BANP: variants seen among roughly 807,000 people sequenced by gnomAD.
BANP encodes BTG3 associated nuclear protein.
BANP carries 11 observed loss-of-function variants against 68.1 expected under a neutral mutation model. That is an observed-to-expected ratio of 0.16 (90% confidence interval 0.10 to 0.27). The LOEUF is 0.27. Among genes scored for constraint, BANP ranks in the 10% least tolerant of loss-of-function variants. The probability of loss-of-function intolerance (pLI) is 1.00; values close to 1 mark genes in which losing one functional copy is unlikely to be tolerated. For synonymous variants in BANP, 329 were observed against 303.2 expected (o/e 1.09, Z -0.88); for missense variants, 504 against 722.7 (o/e 0.70, Z 3.47).
At chr16:87,951,207 G>T (rs974797490), upstream of BANP, among the ~76,000 whole-genome samples, 1 of 152,216 alleles carries the variant, frequency 6.6e-6, no homozygotes, top group Non-Finnish European at 1.5e-5. Flanking sequence ...TTGTTCTCAC[G>T]CAGGCCATGG....
intron 1 of BANP, among the ~76,000 whole-genome samples, chr16:87,958,601 T>G (rs1037839210): frequency 2.0e-5 from 3 of 151,932 alleles, no homozygotes; most frequent in Non-Finnish European, 4.4e-5. Flanking sequence ...AAGCGGAAAC[T>G]GGAGGATCAC....
At chr16:88,062,493 C>G (rs2152879599) in intron 11 of BANP, among the ~76,000 whole-genome samples, 1 of 152,342 alleles carries the variant, frequency 6.6e-6, no homozygotes, top group South Asian at 2.1e-4. Flanking sequence ...GGCTCTGTTT[C>G]AAAAATGTTC....
At chr16:88,016,729 T>G (rs1423863601) in intron 6 of BANP, among the ~76,000 whole-genome samples, 1 of 152,214 alleles carries the variant, frequency 6.6e-6, no homozygotes. Flanking sequence ...TCCGTTTTGC[T>G]CCTCATATAC....
Position 88,072,055 on chromosome 16 carries a change from G to A in BANP, c.1378-14G>A, listed in dbSNP as rs748678999. On this transcript the variant is annotated splice_polypyrimidine_tract_variant and intron_variant, in intron 12 of 13. Coordinates refer to ENST00000682872, the MANE Select transcript of BANP (RefSeq NM_001386991.1). ...GGCCACGCCGCTGACGGGCCCCCGT[G>A]TGTCTCCCTCCAGGTGCTGCAGGGT... is the stretch of plus-strand genomic sequence containing the variant. 4 of 1,561,262 alleles carry A rather than the reference G, an allele frequency of 2.6e-6. No individual in the cohort carries two copies. Among genetic ancestry groups the A allele is most frequent in the Non-Finnish European group, 3.5e-6 (4 of 1,155,192 alleles).
chr16:88,067,041 G>GT (rs1324788782), intron 12 of BANP, among the ~76,000 whole-genome samples: 1 of 152,198 alleles, frequency 6.6e-6, no homozygotes, highest in East Asian at 1.9e-4. Flanking sequence ...TAGAAACCCA[G>GT]TTATAGGAAT....
intron 11 of BANP, among the ~76,000 whole-genome samples, chr16:88,049,452 C>T (rs960175636): frequency 6.6e-6 from 1 of 152,146 alleles, no homozygotes; most frequent in Non-Finnish European, 1.5e-5. Flanking sequence ...GCTCACTGAA[C>T]CTGCCCTCTT....
chr16:87,954,620 G>A (rs768770714), intron 1 of BANP, among the ~76,000 whole-genome samples: 1 of 152,236 alleles, frequency 6.6e-6, no homozygotes, highest in African/African-American at 2.4e-5. Context: ...TTTGCTGGCC[G>A]TGGGGGAGTT....
intron 2 of BANP, 23 bp from the exon 3 acceptor site, chr16:87,981,013 T>G (rs749186853): frequency 1.9e-6 from 3 of 1,560,852 alleles, no homozygotes; most frequent in African/African-American, 2.7e-5. Context: ...TTAAACATTT[T>G]TTTTCTCTGT....
At chr16:88,051,179 T>G (rs1054246486) in intron 11 of BANP, among the ~76,000 whole-genome samples, 5 of 152,160 alleles carry the variant, frequency 3.3e-5, no homozygotes, top group African/African-American at 1.2e-4. Flanking sequence ...GGCTCCAGGA[T>G]GGGGGCTCCC....
chr16:88,008,593 T>C (rs2072004548), intron 6 of BANP, among the ~76,000 whole-genome samples: 1 of 152,206 alleles, frequency 6.6e-6, no homozygotes, highest in Non-Finnish European at 1.5e-5. Flanking sequence ...CTAAATGAAC[T>C]TATGAGACGA....
chr16:88,033,014 G>A (rs900532344), intron 8 of BANP, 95 bp from the exon 9 acceptor site: 3 of 1,321,060 alleles, frequency 2.3e-6, no homozygotes, highest in African/African-American at 2.9e-5. Context: ...TCTGCTGTGG[G>A]AGTCGACAGT....
At chr16:88,016,701 G>A (rs754827250) in intron 6 of BANP, among the ~76,000 whole-genome samples, 2 of 152,226 alleles carry the variant, frequency 1.3e-5, no homozygotes, top group Non-Finnish European at 2.9e-5. Flanking sequence ...CCACCCATTA[G>A]CCTTGAGGTC....
intron 6 of BANP, among the ~76,000 whole-genome samples, chr16:88,010,323 A>T (rs1481050174): frequency 6.6e-6 from 1 of 152,214 alleles, no homozygotes; most frequent in Non-Finnish European, 1.5e-5. Context: ...CCTATACATA[A>T]AATGTTAGGT....
intron 1 of BANP, among the ~76,000 whole-genome samples, chr16:87,971,837 G>A (rs1177157602): frequency 6.6e-6 from 1 of 152,236 alleles, no homozygotes; most frequent in East Asian, 1.9e-4. Flanking sequence ...CTGTTGTCCA[G>A]GGTGGAGTGT....
At chr16:88,042,201 G>A (rs1171930947) in intron 11 of BANP, among the ~76,000 whole-genome samples, 1 of 152,246 alleles carries the variant, frequency 6.6e-6, no homozygotes, top group Non-Finnish European at 1.5e-5. Context: ...TAGCAGTAGC[G>A]GATGGTGCAT....
intron 1 of BANP, among the ~76,000 whole-genome samples, chr16:87,973,224 T>G (rs1313703088): frequency 6.6e-6 from 1 of 151,756 alleles, no homozygotes; most frequent in Admixed American, 6.6e-5. Context: ...CCTCTGAGGC[T>G]TTGTGTCTCC....
intron 11 of BANP, 100 bp from the exon 12 acceptor site, chr16:88,065,167 G>A (rs1449120272): frequency 8.3e-6 from 5 of 599,730 alleles, no homozygotes; most frequent in African/African-American, 3.7e-5. Flanking sequence ...GGCTTTACCG[G>A]AGGGCAGAAG....
chr16:88,020,812 G>A lies in BANP; in HGVS notation c.895+2145G>A, dbSNP rs112327554. Among the ~76,000 whole-genome samples, 649 of 152,320 alleles carry A rather than the reference G, an allele frequency of 4.3e-3. 5 individuals are homozygous for A. Among genetic ancestry groups the A allele is most frequent in the African/African-American group, 0.014 (586 of 41,560 alleles). On this transcript the variant is annotated intron_variant, in intron 7 of 13. Coordinates refer to ENST00000682872, the MANE Select transcript of BANP (RefSeq NM_001386991.1). ...ACGGTGCCTTGGATTGTCAGGCTAA[G>A]GATTCGGGCTTTCAGGGCATTGGCT...
chr16:88,044,915 G>C (rs1013741828), intron 11 of BANP, among the ~76,000 whole-genome samples: 1 of 152,114 alleles, frequency 6.6e-6, no homozygotes, highest in Non-Finnish European at 1.5e-5. Context: ...CCTGGAGGCG[G>C]AGCTTGCATT....
Sources: allele counts gnomAD v4.1 joint callset (sites outside exome capture counted in the v4.1 genomes callset), GRCh38; gene constraint gnomAD v4.1.1; transcripts MANE v1.5; gene names NCBI Gene and HGNC (gene_info 2026-07-23, HGNC 2026-07-21).